YTHDC2: variants seen among roughly 807,000 people sequenced by gnomAD.
The protein encoded by YTHDC2 is YTH N6-methyladenosine RNA binding protein C2, also known as 3'-5' RNA helicase YTHDC2.
A neutral mutation model predicts 174.9 loss-of-function variants in YTHDC2; 45 were observed. That is an observed-to-expected ratio of 0.26 (90% CI 0.20 to 0.33). The LOEUF is 0.33. YTHDC2 is among the 10% of genes least tolerant of loss of function. The probability of loss-of-function intolerance (pLI) is 1.00; values close to 1 mark genes in which losing one functional copy is unlikely to be tolerated. For synonymous variants in YTHDC2, 657 were observed against 574.5 expected (o/e 1.14, Z -2.05); for missense variants, 1,650 against 1,723.7 (o/e 0.96, Z 0.76).
intron 10 of YTHDC2, among the ~76,000 whole-genome samples, chr5:113,543,697 G>T (rs1722486118): frequency 6.6e-6 from 1 of 152,218 alleles, no homozygotes; most frequent in Admixed American, 6.5e-5. Context: ...TCCATGATTA[G>T]GCCTCTGGCT....
intron 21 of YTHDC2, among the ~76,000 whole-genome samples, chr5:113,566,527 T>A (rs111560039): frequency 7.2e-6 from 1 of 139,176 alleles, no homozygotes; most frequent in African/African-American, 2.7e-5. Flanking sequence ...CAAAAAAAAA[T>A]TGATGTGGTA....
rs556841029 is a variant in YTHDC2, at chr5:113,514,237, G to A, written c.187+155G>A. The A allele has an allele frequency of 8.8e-4, 825 of 933,058 alleles. 4 individuals carry two copies. The highest frequency in any genetic ancestry group is 8.3e-3 in the African/African-American group (506 of 61,284). 57.8% of individuals were successfully genotyped at this position (933,058 alleles called of 1,614,324 possible). ...GGCGGGCCTCAGCGGCGGCACCCGG[G>A]TCTGGAACGCGGCTGTTGGCCCTGC... is the stretch of plus-strand genomic sequence containing the variant. On this transcript the variant is annotated intron_variant, in intron 1 of 29. Coordinates refer to ENST00000161863, the MANE Select transcript of YTHDC2 (RefSeq NM_022828.5).
At chr5:113,541,174 A>C in intron 9 of YTHDC2, 58 bp downstream of exon 9, 1 of 1,585,738 alleles carries the variant, frequency 6.3e-7, no homozygotes. Flanking sequence ...AGGTTAAAGA[A>C]CATTTTATGA....
chr5:113,537,836 T>A (rs897868588), intron 7 of YTHDC2, among the ~76,000 whole-genome samples: 1 of 152,150 alleles, frequency 6.6e-6, no homozygotes, highest in African/African-American at 2.4e-5. Flanking sequence ...TCTTAGTTAA[T>A]CATACTACTA....
At chr5:113,560,409 G>T (rs1337511618) in intron 17 of YTHDC2, among the ~76,000 whole-genome samples, 1 of 151,952 alleles carries the variant, frequency 6.6e-6, no homozygotes, top group Non-Finnish European at 1.5e-5. Context: ...AAGTCCTCTT[G>T]TATTTGATGA....
At position 113,581,500 on chromosome 5, in the gene YTHDC2, T is replaced by G; in HGVS notation, c.3438T>G (p.Ser1146=). ...TGAGAGCTCCATCTAAACCTTGGTC[T>G]CAAGTTGATGAAGCTACCATAAGAG... ...RRMRAPSKPW[S]QVDEATIRAI... Residue 1146 remains serine (S), a synonymous_variant, in exon 25 of 30, where the codon TCT becomes TCG. Transcript: ENST00000161863. 1.2e-6 allele frequency: 2 copies of G among 1,614,012 alleles called. No homozygotes were observed. Among genetic ancestry groups the G allele is most frequent in the Non-Finnish European group, 1.7e-6 (2 of 1,179,906 alleles).
Position 113,563,445 on chromosome 5 carries a change from G to A in YTHDC2, c.2395G>A (p.Glu799Lys). Reference protein sequence around the residue: ...PIADFLMKAPEPPPALIVRNA... With the variant: ...PIADFLMKAPKPPPALIVRNA... ...TGCTGATTTTCTTATGAAAGCTCCT[G>A]AACCTCCACCAGCTTTAATTGTAAG... The change falls in exon 19 of 30, where the codon GAA becomes AAA. Residue 799 changes from glutamate to lysine, a missense_variant. Around this residue, in one of 5 missense-constraint regions of YTHDC2, gnomAD observed 913 missense variants for 940.4 expected, o/e 0.97. Coordinates refer to ENST00000161863, the MANE Select transcript of YTHDC2 (RefSeq NM_022828.5). 6.2e-7 allele frequency: 1 copy of A among 1,611,158 alleles called. No homozygotes were observed. Among genetic ancestry groups the A allele is most frequent in the Non-Finnish European group, 8.5e-7 (1 of 1,178,266 alleles).
In YTHDC2 at chr5:113,533,060, C is replaced by T; in HGVS notation, c.842+15C>T. 3 of 1,612,344 alleles carry T rather than the reference C, an allele frequency of 1.9e-6. No homozygotes were observed. The South Asian group carries it at 3.3e-5, about 18-fold the overall frequency. ...TTAGAAAGCAGGTAAAAACAGTTCT[C>T]ATGTATCTTCTCTTTTATCATGCTT... is the stretch of plus-strand genomic sequence containing the variant. On this transcript the variant is annotated intron_variant, in intron 5 of 29. Coordinates refer to ENST00000161863, the MANE Select transcript of YTHDC2 (RefSeq NM_022828.5).
chr5:113,590,528 C>G (rs1778950048), intron 26 of YTHDC2, among the ~76,000 whole-genome samples: 1 of 152,178 alleles, frequency 6.6e-6, no homozygotes, highest in Non-Finnish European at 1.5e-5. Context: ...TAGCCAAAAA[C>G]TTGTGGGAAC....
intron 3 of YTHDC2, among the ~76,000 whole-genome samples, chr5:113,526,021 T>A (rs188181700): frequency 6.6e-6 from 1 of 152,260 alleles, no homozygotes; most frequent in East Asian, 1.9e-4. Flanking sequence ...TTAGGAAATT[T>A]GTTAACATTA....
chr5:113,581,357 A>T lies in YTHDC2; in HGVS notation c.3355-60A>T, dbSNP rs1778391419. 7.6e-6 allele frequency: 11 copies of T among 1,452,632 alleles called. No homozygotes were observed. The Middle Eastern group carries it at 7.4e-4, about 98-fold the overall frequency. The allele number at this position is 1,452,632 out of a possible 1,614,324, so 90.0% of individuals were successfully genotyped here. On this transcript the variant is annotated intron_variant, in intron 24 of 29. Transcript: ENST00000161863. ...GTTGCAAACTAATGGAAACTAATCA[A>T]CACATAGGTGTTTTGCATATGTGAT...
At chr5:113,525,291 AGTTT>A (rs1580483591) in intron 3 of YTHDC2, 114 bp downstream of exon 3, 2 of 922,498 alleles carry the variant, frequency 2.2e-6, no homozygotes, top group East Asian at 2.8e-5. Flanking sequence ...CAATTGGAAT[AGTTT>A]GTTAGAAATG....
intron 10 of YTHDC2, among the ~76,000 whole-genome samples, chr5:113,547,823 T>G (rs774909429): frequency 3.3e-5 from 5 of 152,214 alleles, no homozygotes; most frequent in Non-Finnish European, 5.9e-5. Context: ...ATTTTCCTTT[T>G]GTAGTTATCT....
At chr5:113,551,321 T>C (rs1037394209) in intron 12 of YTHDC2, among the ~76,000 whole-genome samples, 2 of 152,086 alleles carry the variant, frequency 1.3e-5, no homozygotes, top group African/African-American at 4.8e-5. Context: ...ATCTGGATAA[T>C]ATTTTAATTA....
chr5:113,592,417 T>C lies in YTHDC2; in HGVS notation c.4212+239T>C, dbSNP rs187369335. On this transcript the variant is annotated intron_variant, in intron 28 of 29. Transcript: ENST00000161863. The stretch of plus-strand genomic sequence containing the variant: ...TTTAACTTCTCTTTGGCTTTAATTA[T>C]GTAAAGTAAATAACCTTTTTATATT... 2,186 of 352,154 alleles carry C rather than the reference T, an allele frequency of 6.2e-3. 8 individuals carry two copies. Among genetic ancestry groups the C allele is most frequent in the Non-Finnish European group, 8.7e-3 (1,718 of 196,712 alleles). 21.8% of individuals were successfully genotyped at this position (352,154 alleles called of 1,614,324 possible). A position where few individuals can be genotyped will look rare whatever the true frequency, so the allele number is the denominator to read the frequency against.
intron 26 of YTHDC2, among the ~76,000 whole-genome samples, chr5:113,585,222 A>G (rs375589948): frequency 2.0e-4 from 30 of 152,120 alleles, no homozygotes; most frequent in African/African-American, 6.5e-4. Context: ...AAGATGGGAT[A>G]GGGTTAGGAA....
At chr5:113,543,802 C>T (rs1260983315) in intron 10 of YTHDC2, among the ~76,000 whole-genome samples, 2 of 152,172 alleles carry the variant, frequency 1.3e-5, no homozygotes, top group East Asian at 1.9e-4. Flanking sequence ...CCAACACATT[C>T]CCTTTGGGAC....
chr5:113,588,449 T>C (rs1391764763), intron 26 of YTHDC2, among the ~76,000 whole-genome samples: 3 of 152,144 alleles, frequency 2.0e-5, no homozygotes, highest in East Asian at 1.9e-4. Context: ...TTTTTTCTTA[T>C]GTATCTTTGT....
intron 12 of YTHDC2, among the ~76,000 whole-genome samples, chr5:113,550,442 A>C (rs12660001): frequency 6.6e-6 from 1 of 151,974 alleles, no homozygotes; most frequent in Non-Finnish European, 1.5e-5. Context: ...AGGTATAATC[A>C]TAGTATATTA....
Sources: allele counts gnomAD v4.1 joint callset (sites outside exome capture counted in the v4.1 genomes callset), GRCh38; gene constraint gnomAD v4.1.1; regional missense constraint gnomAD v4.1.1; transcripts MANE v1.5; gene names NCBI Gene and HGNC (gene_info 2026-07-23, HGNC 2026-07-21).